Variants in RBFOX1 observed in about 807,000 individuals in gnomAD.
RBFOX1 encodes the protein RNA binding fox-1 homolog 1, also known as RNA binding protein fox-1 homolog 1.
Under a neutral mutation model 57.7 loss-of-function variants are expected in RBFOX1, and 8 were observed. The ratio of observed to expected loss-of-function variants is 0.14; its 90% confidence interval spans 0.08 to 0.25. RBFOX1 has a LOEUF of 0.25. RBFOX1 is among the 10% of genes least tolerant of loss of function. The pLI is 1.00. For missense variants in RBFOX1, 611 were observed against 548.5 expected, an observed-to-expected ratio of 1.11 and a Z score of -1.14; for synonymous variants, 326 against 222.4, an observed-to-expected ratio of 1.47 and a Z score of -4.15.
intron 1 of RBFOX1, among the ~76,000 whole-genome samples, chr16:6,184,158 A>G (rs888444212): frequency 6.6e-6 from 1 of 152,134 alleles, no homozygotes; most frequent in Non-Finnish European, 1.5e-5. Flanking sequence ...TATGGGGGAA[A>G]CTGCCCCCAT....
At chr16:6,374,827 C>G (rs576821996) in intron 2 of RBFOX1, among the ~76,000 whole-genome samples, 1 of 152,290 alleles carries the variant, frequency 6.6e-6, no homozygotes, top group Admixed American at 6.5e-5. Context: ...TATTCTTAAT[C>G]TGTGAACATG....
chr16:6,246,900 C>G (rs11863494), intron 1 of RBFOX1, among the ~76,000 whole-genome samples: 242 of 152,254 alleles, frequency 1.6e-3, no homozygotes, highest in African/African-American at 5.7e-3. Flanking sequence ...GAAACCCTGT[C>G]TCTACTAAAA....
intron 2 of RBFOX1, among the ~76,000 whole-genome samples, chr16:6,486,447 T>C (rs1238204566): frequency 6.6e-6 from 1 of 152,154 alleles, no homozygotes; most frequent in Admixed American, 6.5e-5. Flanking sequence ...TTATTATTAA[T>C]TAAACTTAGT....
chr16:6,941,844 C>G (rs947543768), intron 3 of RBFOX1, among the ~76,000 whole-genome samples: 8 of 152,084 alleles, frequency 5.3e-5, no homozygotes, highest in African/African-American at 1.9e-4. Flanking sequence ...CCCCCTAACT[C>G]TTTCCCATCT....
chr16:7,239,937 C>G (rs746303159), intron 4 of RBFOX1, among the ~76,000 whole-genome samples: 5 of 152,098 alleles, frequency 3.3e-5, no homozygotes, highest in Admixed American at 3.3e-4. Flanking sequence ...AATCAAATTC[C>G]AAAACTTCCT....
chr16:6,380,279 A>T (rs2091657608), intron 2 of RBFOX1, among the ~76,000 whole-genome samples: 1 of 151,960 alleles, frequency 6.6e-6, no homozygotes, highest in Non-Finnish European at 1.5e-5. Flanking sequence ...ATCCAATGGG[A>T]CTGATGTTCT....
chr16:6,321,435 A>C (rs1250799593), intron 2 of RBFOX1, among the ~76,000 whole-genome samples: 1 of 152,168 alleles, frequency 6.6e-6, no homozygotes, highest in African/African-American at 2.4e-5. Context: ...CTCAAGCCCC[A>C]AAGTGTCCTC....
intron 4 of RBFOX1, among the ~76,000 whole-genome samples, chr16:7,369,681 A>G (rs79675062): frequency 1.2e-3 from 183 of 152,262 alleles, no homozygotes; most frequent in Middle Eastern, 6.8e-3. Context: ...TCCTGGGAGG[A>G]TGGAGGGGCT....
chr16:6,729,569 G>A (rs993125717), intron 3 of RBFOX1, among the ~76,000 whole-genome samples: 19 of 152,116 alleles, frequency 1.2e-4, no homozygotes, highest in African/African-American at 4.6e-4. Context: ...TTCTGTCTCT[G>A]GGAATATTAT....
chr16:7,007,758 G>A (rs1055704729), intron 3 of RBFOX1, among the ~76,000 whole-genome samples: 1 of 152,124 alleles, frequency 6.6e-6, no homozygotes, highest in African/African-American at 2.4e-5. Flanking sequence ...TTCCCTACAT[G>A]CAGGTCCTTA....
intron 1 of RBFOX1, among the ~76,000 whole-genome samples, chr16:6,149,157 TG>T (rs1232617744): frequency 6.6e-6 from 1 of 152,244 alleles, no homozygotes; most frequent in Non-Finnish European, 1.5e-5. Context: ...TTAGGCGCTT[TG>T]GGGGCCTCCT....
chr16:5,402,311 C>T (rs2066739085), intron 1 of RBFOX1, among the ~76,000 whole-genome samples: 1 of 152,174 alleles, frequency 6.6e-6, no homozygotes, highest in African/African-American at 2.4e-5. Context: ...CTCCCCATTG[C>T]CTAGGTCCAC....
intron 2 of RBFOX1, among the ~76,000 whole-genome samples, chr16:6,571,308 G>C (rs2097341351): frequency 1.3e-5 from 2 of 152,190 alleles, no homozygotes; most frequent in Admixed American, 1.3e-4. Context: ...AGTGGGAGGA[G>C]CAAGGAAGCT....
At chr16:5,757,397 A>G (rs1463992731) in intron 3 of RBFOX1, among the ~76,000 whole-genome samples, 2 of 151,674 alleles carry the variant, frequency 1.3e-5, no homozygotes, top group African/African-American at 2.4e-5. Flanking sequence ...ACACCCAGCT[A>G]ATTTTTGTAT....
intron 3 of RBFOX1, among the ~76,000 whole-genome samples, chr16:6,667,268 G>C (rs996228323): frequency 6.6e-6 from 1 of 152,174 alleles, no homozygotes; most frequent in East Asian, 1.9e-4. Context: ...TGGTAACCCA[G>C]AGAGTGTAAT....
At chr16:6,752,669 A>AAC (rs2075137740) in intron 3 of RBFOX1, among the ~76,000 whole-genome samples, 1 of 152,184 alleles carries the variant, frequency 6.6e-6, no homozygotes, top group Admixed American at 6.5e-5. Flanking sequence ...TAATAACTCT[A>AAC]ACACACACAC....
chr16:7,298,335 C>G (rs954862294), intron 4 of RBFOX1, among the ~76,000 whole-genome samples: 1 of 134,760 alleles, frequency 7.4e-6, no homozygotes, highest in Non-Finnish European at 1.5e-5. Flanking sequence ...TGCCCAGGCT[C>G]TGGAGTGCAG....
intron 2 of RBFOX1, among the ~76,000 whole-genome samples, chr16:6,493,174 G>A (rs767297232): frequency 6.6e-6 from 1 of 152,112 alleles, no homozygotes; most frequent in Admixed American, 6.5e-5. Context: ...GTTGGACATA[G>A]GCAACCTAAA....
intron 4 of RBFOX1, among the ~76,000 whole-genome samples, chr16:7,295,480 T>C (rs748298585): frequency 4.6e-5 from 7 of 152,158 alleles, no homozygotes; most frequent in African/African-American, 1.2e-4. Flanking sequence ...TTATGACTTA[T>C]ATATATTACA....
Sources: allele counts gnomAD v4.1 joint callset (sites outside exome capture counted in the v4.1 genomes callset), GRCh38; gene constraint gnomAD v4.1.1; transcripts MANE v1.5; gene names NCBI Gene and HGNC (gene_info 2026-07-23, HGNC 2026-07-21).